CIPC: variants seen among roughly 807,000 people sequenced by gnomAD.
CIPC encodes CLOCK interacting pacemaker.
In CIPC, 12 loss-of-function variants were observed where a neutral mutation model predicts 26.7. The ratio of observed to expected loss-of-function variants is 0.45; its 90% confidence interval spans 0.29 to 0.73. The LOEUF (loss-of-function observed/expected upper bound fraction) is 0.73. Ranked by LOEUF, CIPC falls within the 30% of genes least tolerant of loss-of-function variation. The probability of loss-of-function intolerance (pLI) is 0.12; values close to 1 mark genes in which losing one functional copy is unlikely to be tolerated. For synonymous variants in CIPC, 170 were observed against 189.8 expected (o/e 0.90, Z 0.86); for missense variants, 417 against 486.5 (o/e 0.86, Z 1.34).
intron 2 of CIPC, 82 bp from the exon 3 acceptor site, chr14:77,109,730 A>G (rs1886657973): frequency 1.6e-6 from 2 of 1,279,746 alleles, no homozygotes; most frequent in Non-Finnish European, 2.1e-6. Context: ...TTCAATTTCA[A>G]GAGGTCTGTA....
intron 2 of CIPC, among the ~76,000 whole-genome samples, chr14:77,106,504 C>CT (rs1162479022): frequency 2.0e-5 from 3 of 152,070 alleles, no homozygotes; most frequent in Admixed American, 6.5e-5. Flanking sequence ...TGCTGGGGCT[C>CT]TTTTTTTATT....
At chr14:77,102,040 C>T (rs972943277) in intron 1 of CIPC, among the ~76,000 whole-genome samples, 32 of 152,098 alleles carry the variant, frequency 2.1e-4, no homozygotes, top group African/African-American at 7.2e-4. Context: ...TAGCTGTGAT[C>T]GTGCCACTGC....
Position 77,114,017 on chromosome 14 carries a change from G to C in CIPC, c.899G>C (p.Cys300Ser). The change falls in exon 4 of 4, where the codon TGC becomes TCC. Residue 300 changes from cysteine to serine, a missense_variant. By Grantham distance (112) the Cys-to-Ser change is moderately radical (BLOSUM62 -1). Transcript: ENST00000361786. The stretch of plus-strand genomic sequence containing the variant: ...CCTTTATGGGCTGCAGAGCACCTCT[G>C]CCGCAGCCCAGATATCTTTTCAGAG... ...SSPLWAAEHL[C>S]RSPDIFSEQR... 6.2e-7 allele frequency: 1 copy of C among 1,614,238 alleles called. No individual in the cohort carries two copies. The highest frequency in any genetic ancestry group is 8.5e-7 in the Non-Finnish European group (1 of 1,180,050).
rs1367703987 is a variant in CIPC, at chr14:77,105,746, G to A, written c.38G>A (p.Arg13Lys). 1 of 1,614,164 alleles carries A rather than the reference G, an allele frequency of 6.2e-7. No individual in the cohort carries two copies. The highest frequency in any genetic ancestry group is 2.2e-5 in the East Asian group (1 of 44,890). Residue 13 changes from arginine to lysine, a missense_variant, in exon 2 of 4, where the codon AGA (arginine) becomes AAA (lysine). Arg to Lys is a conservative substitution (Grantham distance 26). Coordinates refer to ENST00000361786, the MANE Select transcript of CIPC (RefSeq NM_033426.3). ...RKNPSRESPR[R>K]LSAKVGKGTE... is the part of the protein sequence containing the mutation. ...AACCCATCCAGAGAGAGCCCCAGAA[G>A]ACTCTCTGCCAAAGTAGGCAAAGGC...
chr14:77,113,321 T>C (rs1886740233), intron 3 of CIPC, 104 bp from the exon 4 acceptor site: 1 of 1,200,746 alleles, frequency 8.3e-7, no homozygotes, highest in Non-Finnish European at 1.2e-6. Context: ...TCCTTGAAAT[T>C]GTTCTAAGCA....
chr14:77,100,286 G>T (rs1279736385), intron 1 of CIPC, among the ~76,000 whole-genome samples: 8 of 136,894 alleles, frequency 5.8e-5, no homozygotes, highest in Admixed American at 1.6e-4. Flanking sequence ...CTGTCACCCA[G>T]GCTGGAGTGC....
intron 2 of CIPC, among the ~76,000 whole-genome samples, chr14:77,108,605 C>T (rs563951193): frequency 1.8e-4 from 27 of 151,992 alleles, no homozygotes; most frequent in African/African-American, 5.1e-4. Context: ...GCAGGAGAAC[C>T]GCTTGAACCC....
chr14:77,101,334 G>A (rs141632484), intron 1 of CIPC, among the ~76,000 whole-genome samples: 42 of 152,298 alleles, frequency 2.8e-4, no homozygotes, highest in African/African-American at 1.0e-3. Context: ...GTAAAGTTTG[G>A]GGAGGGATGT....
At chr14:77,112,739 C>T (rs1886729163) in intron 3 of CIPC, among the ~76,000 whole-genome samples, 1 of 150,490 alleles carries the variant, frequency 6.6e-6, no homozygotes. Flanking sequence ...GAAACCAAGT[C>T]TTGCTCTGTC....
rs374553139 is a variant in CIPC, at chr14:77,112,710, TG to T, written c.307-714del. 8.3e-4 allele frequency among the ~76,000 whole-genome samples: 124 copies of T among 150,218 alleles called. 1 individual carries two copies. The highest frequency in any genetic ancestry group is 3.8e-3 in the Admixed American group (58 of 15,078). ...TTTTTCTTTTCTTTCTGTTTTTTTT[TG>T]TTGTTGTTGTTGTTTTTGAAACCAA... On this transcript the variant is annotated intron_variant, in intron 3 of 3. Coordinates refer to ENST00000361786, the MANE Select transcript of CIPC (RefSeq NM_033426.3).
chr14:77,113,235 C>T (rs1886737814), intron 3 of CIPC, 190 bp from the exon 4 acceptor site: 2 of 673,758 alleles, frequency 3.0e-6, no homozygotes, highest in Non-Finnish European at 5.2e-6. Flanking sequence ...CCAGTTTTCC[C>T]TTAGAAAAAG....
rs1425936896 is a variant in CIPC, at chr14:77,114,151, G to A, written c.1033G>A (p.Ala345Thr). 6.2e-7 allele frequency: 1 copy of A among 1,614,068 alleles called. No homozygotes were observed. The highest frequency in any genetic ancestry group is 2.2e-5 in the East Asian group (1 of 44,882). ...KTKELIRQNQ[A>T]TQVELDQLKE... ...CAAGGAGTTGATTCGTCAGAATCAGGCAACTCAGGTAGAACTAGACCAGCT... is the reference window on the plus strand; with the variant it reads ...CAAGGAGTTGATTCGTCAGAATCAGACAACTCAGGTAGAACTAGACCAGCT... Residue 345 changes from alanine (A) to threonine (T), a missense_variant, in exon 4 of 4, where the codon GCA (alanine) becomes ACA (threonine). By Grantham distance (58) the Ala-to-Thr change is moderately conservative. Transcript: ENST00000361786.
chr14:77,104,941 TCA>T (rs1001482400), intron 1 of CIPC, among the ~76,000 whole-genome samples: 1 of 152,246 alleles, frequency 6.6e-6, no homozygotes, highest in African/African-American at 2.4e-5. Context: ...TATCTGAGCC[TCA>T]GTTTCCTCCC....
intron 2 of CIPC, chr14:77,106,098 A>G (rs895894532): frequency 2.7e-5 from 8 of 298,690 alleles, no homozygotes; most frequent in African/African-American, 1.1e-4. Context: ...AACTATTGCA[A>G]TTGGTCACTG....
At chr14:77,107,658 ACT>A (rs55735817) in intron 2 of CIPC, among the ~76,000 whole-genome samples, 19 of 145,258 alleles carry the variant, frequency 1.3e-4, no homozygotes, top group African/African-American at 5.1e-4. Flanking sequence ...ACACACACAC[ACT>A]CTCTCTCTGA....
In CIPC at chr14:77,110,001, C is replaced by T. The variant is rs1426267465; in HGVS notation, c.306+20C>T. On this transcript the variant is annotated intron_variant, in intron 3 of 3. Coordinates refer to ENST00000361786, the MANE Select transcript of CIPC (RefSeq NM_033426.3). The stretch of plus-strand genomic sequence containing the variant: ...AAACAGGTGAGGAGGACTAATATCA[C>T]CTAAAGTCTTTGCAAATAAAAATCT... The T allele has an allele frequency of 6.2e-7, 1 of 1,605,680 alleles. No individual in the cohort carries two copies. Among genetic ancestry groups the T allele is most frequent in the African/African-American group, 1.3e-5 (1 of 74,510 alleles).
Position 77,105,775 on chromosome 14 carries a change from G to A in CIPC, c.67G>A (p.Glu23Lys). Residue 23 changes from glutamate to lysine, a missense_variant, in exon 2 of 4, where the codon GAG becomes AAG. By Grantham distance (56) the Glu-to-Lys change is moderately conservative. Transcript: ENST00000361786. ...CTCTGCCAAAGTAGGCAAAGGCACAGAGATGAAGAAAGTGGCTCGTCAGCT... is the reference window on the plus strand; with the variant it reads ...CTCTGCCAAAGTAGGCAAAGGCACAAAGATGAAGAAAGTGGCTCGTCAGCT... ...RLSAKVGKGT[E>K]MKKVARQLGM... The A allele has an allele frequency of 6.2e-7, 1 of 1,614,204 alleles. No individual in the cohort carries two copies. The highest frequency in any genetic ancestry group is 8.5e-7 in the Non-Finnish European group (1 of 1,180,016).
intron 2 of CIPC, among the ~76,000 whole-genome samples, chr14:77,106,752 A>G (rs1886598134): frequency 1.3e-5 from 2 of 152,222 alleles, no homozygotes; most frequent in Admixed American, 1.3e-4. Flanking sequence ...TTAGATTGGC[A>G]TATTTTCTCC....
chr14:77,105,855 T>C lies in CIPC; in HGVS notation c.136+11T>C, dbSNP rs1294933908. On this transcript the variant is annotated intron_variant, in intron 2 of 3. Transcript: ENST00000361786. ...ACTCTGGCTTTTCAGGTTAAAAATATCTTATCCTTCCTCTGTTTTGTGAGT... is the reference window on the plus strand; with the variant it reads ...ACTCTGGCTTTTCAGGTTAAAAATACCTTATCCTTCCTCTGTTTTGTGAGT... 3 of 1,612,528 alleles carry C rather than the reference T, an allele frequency of 1.9e-6. No individual in the cohort carries two copies. The African/African-American group carries it at 4.0e-5, about 22-fold the overall frequency.
Sources: gnomAD v4.1 joint callset for allele counts (sites outside exome capture counted in the v4.1 genomes callset) on GRCh38, gnomAD v4.1.1 for gene constraint, MANE v1.5 for transcripts, NCBI Gene and HGNC (gene_info 2026-07-23, HGNC 2026-07-21) for gene names.